Variants in LHFPL2 observed in about 807,000 individuals in gnomAD.
LHFPL2 encodes the protein LHFPL tetraspan subfamily member 2 protein.
In LHFPL2, 7 loss-of-function variants were observed where a neutral mutation model predicts 17.5. The observed-to-expected ratio is 0.40, with a 90% CI of 0.23 to 0.75. The LOEUF (loss-of-function observed/expected upper bound fraction) is 0.75. Among genes scored for constraint, LHFPL2 ranks in the 30% least tolerant of loss-of-function variants. The pLI, the probability that LHFPL2 is intolerant of heterozygous loss-of-function variation, is 0.37. For synonymous variants in LHFPL2, 134 were observed against 116.2 expected, an observed-to-expected ratio of 1.15 and a Z score of -0.99; for missense variants, 241 against 294.8, an observed-to-expected ratio of 0.82 and a Z score of 1.34.
intron 4 of LHFPL2, among the ~76,000 whole-genome samples, chr5:78,499,205 A>C (rs1047476902): frequency 1.2e-4 from 19 of 152,340 alleles, no homozygotes; most frequent in Middle Eastern, 3.4e-3. Context: ...CCAAATTTAT[A>C]ATATACATTC....
intron 2 of LHFPL2, among the ~76,000 whole-genome samples, chr5:78,588,865 T>C (rs902035407): frequency 2.0e-5 from 3 of 152,224 alleles, no homozygotes; most frequent in Admixed American, 1.3e-4. Context: ...TCCTTATTCA[T>C]AGTGAATCCT....
intron 2 of LHFPL2, among the ~76,000 whole-genome samples, chr5:78,605,846 T>C (rs776166887): frequency 2.6e-5 from 4 of 152,204 alleles, no homozygotes; most frequent in Non-Finnish European, 5.9e-5. Context: ...ATATTAATCA[T>C]CTTACATTTA....
chr5:78,607,053 C>T (rs777470638), intron 2 of LHFPL2, among the ~76,000 whole-genome samples: 22 of 152,122 alleles, frequency 1.4e-4, no homozygotes, highest in Non-Finnish European at 2.1e-4. Context: ...ACAACATCCC[C>T]AACATGGTCC....
chr5:78,574,123 A>G (rs1757069736), intron 2 of LHFPL2, among the ~76,000 whole-genome samples: 1 of 152,260 alleles, frequency 6.6e-6, no homozygotes, highest in Non-Finnish European at 1.5e-5. Flanking sequence ...ACTATGAAGC[A>G]TTATTTACAT....
intron 2 of LHFPL2, among the ~76,000 whole-genome samples, chr5:78,610,749 C>T (rs552843153): frequency 1.3e-5 from 2 of 152,258 alleles, no homozygotes; most frequent in East Asian, 1.9e-4. Flanking sequence ...GTCCCCTCTC[C>T]CTCCCACGCT....
chr5:78,539,509 C>T (rs1352329972), intron 3 of LHFPL2, among the ~76,000 whole-genome samples: 3 of 152,130 alleles, frequency 2.0e-5, no homozygotes, highest in African/African-American at 4.8e-5. Context: ...TACGGTATAT[C>T]GTATGCACTC....
chr5:78,547,816 G>C (rs1756326798), intron 3 of LHFPL2, among the ~76,000 whole-genome samples: 1 of 152,252 alleles, frequency 6.6e-6, no homozygotes, highest in African/African-American at 2.4e-5. Flanking sequence ...AGGTCTCACT[G>C]TGGGAACCCA....
intron 2 of LHFPL2, among the ~76,000 whole-genome samples, chr5:78,595,671 G>A (rs993914553): frequency 3.3e-5 from 5 of 152,116 alleles, no homozygotes; most frequent in Admixed American, 2.0e-4. Context: ...GCCACTACAC[G>A]TGGCTAATTT....
chr5:78,584,962 C>G (rs928019930), intron 2 of LHFPL2, among the ~76,000 whole-genome samples: 57 of 148,320 alleles, frequency 3.8e-4, no homozygotes, highest in Non-Finnish European at 1.5e-4. Context: ...AACCTCTGAG[C>G]CAGGTGCGGG....
At chr5:78,494,559 C>T (rs2112293388) in intron 4 of LHFPL2, 1 of 982,168 alleles carries the variant, frequency 1.0e-6, no homozygotes, top group Non-Finnish European at 1.2e-6. Flanking sequence ...AAATGAAAAG[C>T]TGATGGTCAG....
chr5:78,545,054 T>C (rs1384133447), intron 3 of LHFPL2, among the ~76,000 whole-genome samples: 1 of 152,150 alleles, frequency 6.6e-6, no homozygotes, highest in Non-Finnish European at 1.5e-5. Context: ...CACTCCCTTG[T>C]AGGAATTTCA....
chr5:78,523,264 C>T (rs1348775173), intron 3 of LHFPL2, among the ~76,000 whole-genome samples: 1 of 152,126 alleles, frequency 6.6e-6, no homozygotes, highest in Non-Finnish European at 1.5e-5. Context: ...CTCACAGCCC[C>T]TCGTACCCAT....
rs142799210 is a variant in LHFPL2, at chr5:78,569,807, C to T, written c.-244-4936G>A. 9.5e-3 allele frequency among the ~76,000 whole-genome samples: 1,452 copies of T among 152,272 alleles called. 17 individuals are homozygous for T. The highest frequency in any genetic ancestry group is 0.033 in the African/African-American group (1,381 of 41,544). On this transcript the variant is annotated intron_variant, in intron 2 of 4. Coordinates refer to ENST00000380345, the MANE Select transcript of LHFPL2 (RefSeq NM_005779.3). ...TTCCAAAGACCTCGCGGACTCTAAGCCAAACGTTGCTAATCAGGAAAAATT... is the reference window on the plus strand; with the variant it reads ...TTCCAAAGACCTCGCGGACTCTAAGTCAAACGTTGCTAATCAGGAAAAATT...
intron 1 of LHFPL2, among the ~76,000 whole-genome samples, chr5:78,637,391 G>A (rs972268659): frequency 1.8e-4 from 28 of 151,964 alleles, no homozygotes; most frequent in African/African-American, 6.8e-4. Context: ...ACTAGCTTGG[G>A]GGGAGGGGGG....
intron 3 of LHFPL2, among the ~76,000 whole-genome samples, chr5:78,553,469 T>C (rs1756498029): frequency 6.6e-6 from 1 of 152,204 alleles, no homozygotes; most frequent in Admixed American, 6.5e-5. Context: ...TTTGGTACTG[T>C]TGCTCTAGCA....
intron 3 of LHFPL2, among the ~76,000 whole-genome samples, chr5:78,532,072 G>A (rs910162203): frequency 2.6e-5 from 4 of 151,964 alleles, no homozygotes; most frequent in African/African-American, 4.8e-5. Flanking sequence ...TTACAGGCAC[G>A]TGCCACCACA....
At chr5:78,644,414 CT>C in intron 1 of LHFPL2, 1 of 745,310 alleles carries the variant, frequency 1.3e-6, no homozygotes, top group East Asian at 2.7e-5. Flanking sequence ...GCTTCACAGC[CT>C]TTTCATAAGG....
intron 3 of LHFPL2, among the ~76,000 whole-genome samples, chr5:78,541,874 T>C (rs1756124251): frequency 6.6e-6 from 1 of 152,226 alleles, no homozygotes; most frequent in Non-Finnish European, 1.5e-5. Flanking sequence ...TGTGCCCACC[T>C]AGCCTGAAGA....
intron 1 of LHFPL2, among the ~76,000 whole-genome samples, chr5:78,637,325 C>T (rs1215812859): frequency 6.6e-6 from 1 of 151,554 alleles, no homozygotes; most frequent in Non-Finnish European, 1.5e-5. Flanking sequence ...TTAGAGCCTT[C>T]CTAATCTAGT....
Sources: allele counts gnomAD v4.1 joint callset (sites outside exome capture counted in the v4.1 genomes callset), GRCh38; gene constraint gnomAD v4.1.1; transcripts MANE v1.5; gene names NCBI Gene and HGNC (gene_info 2026-07-23, HGNC 2026-07-21).